Variants in TMEM268 observed in about 807,000 individuals in gnomAD.
The protein encoded by TMEM268 is transmembrane protein C9orf91.
In TMEM268, 24 loss-of-function variants were observed where a neutral mutation model predicts 39.1. That is an observed-to-expected ratio of 0.61 (90% CI 0.44 to 0.86). TMEM268 has a LOEUF of 0.86. TMEM268 is among the 40% of genes least tolerant of loss of function. TMEM268 has a pLI of 0.00. For synonymous variants in TMEM268, 176 were observed against 173.5 expected (o/e 1.01, Z -0.12); for missense variants, 409 against 428.6 (o/e 0.95, Z 0.40).
upstream of TMEM268, among the ~76,000 whole-genome samples, chr9:114,608,157 A>G (rs1845391518): frequency 6.6e-6 from 1 of 152,172 alleles, no homozygotes. Flanking sequence ...CCTCCTTGCT[A>G]TGCCAGGACT....
At chr9:114,640,177 T>C (rs1298889364) in intron 8 of TMEM268, among the ~76,000 whole-genome samples, 1 of 151,868 alleles carries the variant, frequency 6.6e-6, no homozygotes, top group Non-Finnish European at 1.5e-5. Context: ...CATGCGTGTG[T>C]GGGTTTTTGT....
At position 114,645,489 on chromosome 9, in the gene TMEM268, G is replaced by A. The variant is rs1425944947; in HGVS notation, c.*2176G>A. On this transcript the variant is annotated 3_prime_UTR_variant, in exon 9 of 9. Coordinates refer to ENST00000288502, the MANE Select transcript of TMEM268 (RefSeq NM_153045.4). ...GATCATGGGTATAGACCAGCCCCTGGAAAGGCTGCTTTGGTCAAGGCTGAG... is the reference window on the plus strand; with the variant it reads ...GATCATGGGTATAGACCAGCCCCTGAAAAGGCTGCTTTGGTCAAGGCTGAG... 1 of 152,328 alleles carries A rather than the reference G, an allele frequency of 6.6e-6. No homozygotes were observed. Among genetic ancestry groups the A allele is most frequent in the East Asian group, 1.9e-4 (1 of 5,338 alleles). The allele number at this position is 152,328 out of a possible 1,614,324, so 9.4% of individuals were successfully genotyped here. A position where few individuals can be genotyped will look rare whatever the true frequency, so the allele number is the denominator to read the frequency against.
chr9:114,633,918 T>A (rs1353335324), intron 6 of TMEM268, 40 bp downstream of exon 6: 1 of 1,228,062 alleles, frequency 8.1e-7, no homozygotes, highest in African/African-American at 1.5e-5. Flanking sequence ...ATGGCCCAGT[T>A]TTATGTTGGG....
In TMEM268 at chr9:114,622,393, AC is replaced by A. The variant is rs1481118880; in HGVS notation, c.107-1951del. 8.1e-6 allele frequency: 8 copies of A among 984,814 alleles called. No homozygotes were observed. In the African/African-American group the frequency reaches 1.2e-4, roughly 15 times the overall value. The allele number at this position is 984,814 out of a possible 1,614,324, so 61.0% of individuals were successfully genotyped here. On this transcript the variant is annotated intron_variant, in intron 2 of 8. Coordinates refer to ENST00000288502, the MANE Select transcript of TMEM268 (RefSeq NM_153045.4). Reference sequence around the variant, plus strand: ...GAATCCCAGGGCTGGAATCTCTCCCACCCCCCAGACCTCCTGGCTGCTGACC... The same window carrying A: ...GAATCCCAGGGCTGGAATCTCTCCCACCCCCAGACCTCCTGGCTGCTGACC...
intron 1 of TMEM268, among the ~76,000 whole-genome samples, chr9:114,614,660 C>T (rs1213997638): frequency 6.6e-6 from 1 of 152,194 alleles, no homozygotes; most frequent in Non-Finnish European, 1.5e-5. Context: ...TCACAAACAT[C>T]TAGAACCATG....
chr9:114,622,083 A>G, intron 2 of TMEM268: 7 of 985,334 alleles, frequency 7.1e-6, no homozygotes, highest in Non-Finnish European at 8.4e-6. Flanking sequence ...GAGTGGACAG[A>G]TGTTTTGTTT....
chr9:114,634,134 G>A (rs906762605), intron 6 of TMEM268, among the ~76,000 whole-genome samples: 2 of 152,134 alleles, frequency 1.3e-5, no homozygotes, highest in African/African-American at 4.8e-5. Context: ...ACACCTTGCT[G>A]CTCACCTGGC....
intron 8 of TMEM268, among the ~76,000 whole-genome samples, chr9:114,642,331 CTCT>C (rs1211223332): frequency 1.3e-5 from 2 of 151,484 alleles, no homozygotes; most frequent in Non-Finnish European, 2.9e-5. Flanking sequence ...TATAAGCAAT[CTCT>C]TTTTTCCCTT....
intron 4 of TMEM268, among the ~76,000 whole-genome samples, chr9:114,627,225 A>G (rs1400040006): frequency 1.3e-5 from 2 of 152,184 alleles, no homozygotes; most frequent in Admixed American, 1.3e-4. Flanking sequence ...GATGGGAGTC[A>G]GGGTTTACTG....
intron 2 of TMEM268, among the ~76,000 whole-genome samples, chr9:114,619,683 C>T (rs1845869887): frequency 6.6e-6 from 1 of 152,152 alleles, no homozygotes; most frequent in Non-Finnish European, 1.5e-5. Flanking sequence ...CTTGTTCTCA[C>T]TTTCATTTTC....
intron 2 of TMEM268, chr9:114,621,990 A>G (rs1845965487): frequency 1.8e-6 from 1 of 561,342 alleles, no homozygotes; most frequent in East Asian, 1.5e-4. Flanking sequence ...GCATTGTAGA[A>G]GTAAAGGTAG....
chr9:114,624,211 T>G lies in TMEM268; in HGVS notation c.107-139T>G, dbSNP rs1455039457. 3 of 1,446,092 alleles carry G rather than the reference T, an allele frequency of 2.1e-6. No individual in the cohort carries two copies. The African/African-American group carries it at 4.3e-5, about 21-fold the overall frequency. The allele number at this position is 1,446,092 out of a possible 1,614,324, so 89.6% of individuals were successfully genotyped here. On this transcript the variant is annotated intron_variant, in intron 2 of 8. Coordinates refer to ENST00000288502, the MANE Select transcript of TMEM268 (RefSeq NM_153045.4). ...AATCCAGTCCTTCTCTCAAGAGGAT[T>G]TGAGGATGGCCACCGTGTCCCTCCT...
chr9:114,620,436 G>A (rs552982734), intron 2 of TMEM268, among the ~76,000 whole-genome samples: 1 of 151,958 alleles, frequency 6.6e-6, no homozygotes, highest in African/African-American at 2.4e-5. Context: ...TTGTAGAGAC[G>A]GGGTTTTTCA....
At chr9:114,643,069 GC>G in intron 8 of TMEM268, 64 bp from the exon 9 acceptor site, 1 of 1,541,242 alleles carries the variant, frequency 6.5e-7, no homozygotes, top group South Asian at 1.1e-5. Flanking sequence ...TTCCCCTGGT[GC>G]CTAAGCCCTT....
At chr9:114,626,280 G>A (rs954832159) in intron 3 of TMEM268, among the ~76,000 whole-genome samples, 7 of 152,160 alleles carry the variant, frequency 4.6e-5, no homozygotes, top group African/African-American at 9.7e-5. Flanking sequence ...CATTTTAATG[G>A]TTAAGTTCTG....
At chr9:114,611,648 T>C (rs1845496758) in intron 1 of TMEM268, 84 bp downstream of exon 1, 1 of 152,836 alleles carries the variant, frequency 6.5e-6, no homozygotes, top group East Asian at 1.9e-4. Context: ...GGAAGCAGCC[T>C]GGGCGCCTCC....
At position 114,611,485 on chromosome 9, in the gene TMEM268, G is replaced by A. The variant is rs1332272094; in HGVS notation, c.-158G>A. On this transcript the variant is annotated 5_prime_UTR_variant, in exon 1 of 9. Coordinates refer to ENST00000288502, the MANE Select transcript of TMEM268 (RefSeq NM_153045.4). Reference sequence around the variant, plus strand: ...TGGGCGCGGGGCTGCGGTGCCCAGAGGCTGCGGCATTAGGGGCTCGGCGCC... The same window carrying A: ...TGGGCGCGGGGCTGCGGTGCCCAGAAGCTGCGGCATTAGGGGCTCGGCGCC... 1.9e-5 allele frequency: 3 copies of A among 157,788 alleles called. No individual in the cohort carries two copies. The East Asian group carries it at 5.6e-4, about 29-fold the overall frequency. 9.8% of individuals were successfully genotyped at this position (157,788 alleles called of 1,614,324 possible).
At chr9:114,624,732 AG>A (rs1246802942) in intron 3 of TMEM268, among the ~76,000 whole-genome samples, 3 of 152,256 alleles carry the variant, frequency 2.0e-5, no homozygotes, top group Admixed American at 6.5e-5. Flanking sequence ...CTATGTCCAC[AG>A]ATCCCAGCGG....
At chr9:114,611,267 G>T (rs1258648890), upstream of TMEM268, 1 of 152,008 alleles carries the variant, frequency 6.6e-6, no homozygotes, top group Non-Finnish European at 1.5e-5. Flanking sequence ...GGCTCCTTCC[G>T]GCGTCCCGGG....
Sources: allele counts gnomAD v4.1 joint callset (sites outside exome capture counted in the v4.1 genomes callset), GRCh38; gene constraint gnomAD v4.1.1; transcripts MANE v1.5; gene names NCBI Gene and HGNC (gene_info 2026-07-23, HGNC 2026-07-21).